The following CD44 variants were observed in gnomAD, a reference collection of about 807,000 sequenced individuals.
CD44 encodes the protein CD44 antigen.
Under a neutral mutation model 88.8 loss-of-function variants are expected in CD44, and 49 were observed. The observed-to-expected ratio is 0.55, with a 90% CI of 0.44 to 0.70. The LOEUF is 0.70. CD44 is among the 30% of genes least tolerant of loss of function. The pLI is 0.00. For missense variants in CD44, 883 were observed against 913.8 expected (o/e 0.97, Z 0.43); for synonymous variants, 325 against 312.3 (o/e 1.04, Z -0.43).
Position 35,206,192 on chromosome 11 carries a change from A to C in CD44, c.1363A>C (p.Asn455His). The change falls in exon 11 of 18, where the codon AAC becomes CAC. Residue 455 changes from asparagine to histidine, a missense_variant. Physicochemically the swap from Asn to His is moderately conservative, Grantham distance 68. Coordinates refer to ENST00000428726, the MANE Select transcript of CD44 (RefSeq NM_000610.4). ...GGACAGTTCCTGGACTGATTTCTTCAACCCAATCTCACACCCCATGGGACG... is the reference window on the plus strand; with the variant it reads ...GGACAGTTCCTGGACTGATTTCTTCCACCCAATCTCACACCCCATGGGACG... ...PEDSSWTDFFNPISHPMGRGH... is the reference protein window; with the variant it reads ...PEDSSWTDFFHPISHPMGRGH... 1 of 1,612,752 alleles carries C rather than the reference A, an allele frequency of 6.2e-7. No homozygotes were observed. Among genetic ancestry groups the C allele is most frequent in the Non-Finnish European group, 8.5e-7 (1 of 1,179,266 alleles).
intron 17 of CD44, among the ~76,000 whole-genome samples, chr11:35,225,686 G>A (rs797005593): frequency 6.6e-5 from 10 of 152,078 alleles, no homozygotes; most frequent in South Asian, 2.1e-4. Flanking sequence ...GTGTGGTGGC[G>A]GGTGCCTGTA....
intron 1 of CD44, among the ~76,000 whole-genome samples, chr11:35,172,932 C>T (rs1174186697): frequency 6.6e-6 from 1 of 151,922 alleles, no homozygotes; most frequent in Admixed American, 6.5e-5. Context: ...GTCATATAGA[C>T]ACACTCACAC....
intron 1 of CD44, among the ~76,000 whole-genome samples, chr11:35,157,859 C>T (rs993527723): frequency 6.6e-6 from 1 of 152,190 alleles, no homozygotes. Context: ...GGAAGCAAGA[C>T]ATGGATACTC....
intron 1 of CD44, among the ~76,000 whole-genome samples, chr11:35,170,338 C>A (rs771362250): frequency 4.6e-5 from 7 of 152,174 alleles, no homozygotes; most frequent in Non-Finnish European, 8.8e-5. Flanking sequence ...AAAAAACCTT[C>A]TTTCAGAGCT....
At chr11:35,167,734 G>T (rs919165741) in intron 1 of CD44, among the ~76,000 whole-genome samples, 3 of 152,208 alleles carry the variant, frequency 2.0e-5, no homozygotes, top group Non-Finnish European at 4.4e-5. Context: ...CCTTAGCTTG[G>T]TCAGTCTAGA....
At chr11:35,141,939 C>T (rs2553809) in intron 1 of CD44, among the ~76,000 whole-genome samples, 112,354 of 151,886 alleles carry the variant, frequency 0.74, 42,100 homozygotes, top group South Asian at 0.86. Context: ...TGGACAACCA[C>T]GAGGAAACTT....
chr11:35,144,308 C>G (rs148812965), intron 1 of CD44, among the ~76,000 whole-genome samples: 2 of 152,148 alleles, frequency 1.3e-5, no homozygotes, highest in Admixed American at 6.5e-5. Flanking sequence ...GTGGTTCTTG[C>G]GAAAGAATGA....
In CD44 at chr11:35,222,436, A is replaced by G. The variant is rs56137668; in HGVS notation, c.2024+704A>G. On this transcript the variant is annotated intron_variant, in intron 17 of 17. Transcript: ENST00000428726. ...GTTTCATCGTCTTCTTGCTGTTAGG[A>G]GGTCTATGAAGCAGAGAAGAACTTT... 227 of 1,289,736 alleles carry G rather than the reference A, an allele frequency of 1.8e-4. 1 individual carries two copies. In the African/African-American group the frequency reaches 3.2e-3, roughly 18 times the overall value. The allele number at this position is 1,289,736 out of a possible 1,614,324, so 79.9% of individuals were successfully genotyped here.
chr11:35,156,694 C>T lies in CD44; in HGVS notation c.67+17324C>T, dbSNP rs571788961. On this transcript the variant is annotated intron_variant, in intron 1 of 17. Transcript: ENST00000428726. ...GCTTCCCTTTCCACTGAGCTTGGCT[C>T]CAACTACACCTCATGTGTCTGTTAC... 2.6e-5 allele frequency among the ~76,000 whole-genome samples: 4 copies of T among 152,302 alleles called. No individual in the cohort carries two copies. In the South Asian group the frequency reaches 8.3e-4, roughly 32 times the overall value.
At chr11:35,168,548 G>A (rs1008729376) in intron 1 of CD44, among the ~76,000 whole-genome samples, 69 of 152,214 alleles carry the variant, frequency 4.5e-4, no homozygotes, top group African/African-American at 2.9e-4. Context: ...GAACACCATT[G>A]AGTAGCAGGA....
rs115514407 is a variant in CD44, at chr11:35,229,682, A to G, written c.*349A>G. ...CCAACCTTTCCCCCACCAGCTAAGG[A>G]CATTTCCCAGGGTTAATAGGGCCTG... On this transcript the variant is annotated 3_prime_UTR_variant, in exon 18 of 18. Coordinates refer to ENST00000428726, the MANE Select transcript of CD44 (RefSeq NM_000610.4). The G allele has an allele frequency of 5.9e-3, 1,453 of 247,490 alleles. 22 individuals carry two copies. Among genetic ancestry groups the G allele is most frequent in the African/African-American group, 0.031 (1,386 of 44,424 alleles). The allele number at this position is 247,490 out of a possible 1,614,324, so 15.3% of individuals were successfully genotyped here.
chr11:35,161,498 G>T (rs1251022722), intron 1 of CD44, among the ~76,000 whole-genome samples: 1 of 152,188 alleles, frequency 6.6e-6, no homozygotes, highest in Non-Finnish European at 1.5e-5. Context: ...ATGTCAGGGG[G>T]TCAGGAGAGC....
chr11:35,156,756 G>C (rs146681829), intron 1 of CD44, among the ~76,000 whole-genome samples: 1 of 152,336 alleles, frequency 6.6e-6, no homozygotes, highest in East Asian at 1.9e-4. Context: ...TTTAATGTCT[G>C]TCAGTGGCTC....
intron 1 of CD44, among the ~76,000 whole-genome samples, chr11:35,168,473 T>C (rs1943541913): frequency 2.0e-5 from 3 of 152,240 alleles, no homozygotes; most frequent in African/African-American, 7.2e-5. Context: ...GCTGAATACC[T>C]TGAACCCAGA....
At chr11:35,198,782 T>A (rs1947012819) in intron 7 of CD44, among the ~76,000 whole-genome samples, 1 of 151,928 alleles carries the variant, frequency 6.6e-6, no homozygotes, top group Non-Finnish European at 1.5e-5. Context: ...ATCGAGACCA[T>A]CCTGGCTAAC....
chr11:35,194,881 C>T (rs1946585262), intron 5 of CD44, among the ~76,000 whole-genome samples: 1 of 152,160 alleles, frequency 6.6e-6, no homozygotes, highest in African/African-American at 2.4e-5. Context: ...GAGAAAATGT[C>T]CTTTAGAAAG....
chr11:35,207,885 T>C (rs1326116202), intron 11 of CD44, among the ~76,000 whole-genome samples: 4 of 152,334 alleles, frequency 2.6e-5, no homozygotes, highest in Non-Finnish European at 4.4e-5. Flanking sequence ...ACACACAGCA[T>C]AGCTTTCATA....
rs368279051 is a variant in CD44, at chr11:35,221,627, G to A, written c.1946-27G>A. ...TACAAAGTGTGTCTCTGAAGCTCAC[G>A]CATGTCATTTAATTTACTCATACCA... is the stretch of plus-strand genomic sequence containing the variant. On this transcript the variant is annotated intron_variant, in intron 16 of 17. Transcript: ENST00000428726. 2.0e-4 allele frequency: 323 copies of A among 1,588,084 alleles called. 2 individuals are homozygous for A. The highest frequency in any genetic ancestry group is 6.8e-4 in the South Asian group (62 of 90,548).
At chr11:35,141,148 G>A (rs1447982463) in intron 1 of CD44, among the ~76,000 whole-genome samples, 1 of 152,178 alleles carries the variant, frequency 6.6e-6, no homozygotes, top group African/African-American at 2.4e-5. Context: ...GAAGCTTCCT[G>A]TTATCAGGCC....
Sources: allele counts gnomAD v4.1 joint callset (sites outside exome capture counted in the v4.1 genomes callset), GRCh38; gene constraint gnomAD v4.1.1; transcripts MANE v1.5; gene names NCBI Gene and HGNC (gene_info 2026-07-23, HGNC 2026-07-21).